The following BRWD1 variants were observed in gnomAD, a reference collection of about 807,000 sequenced individuals.
BRWD1 encodes the protein bromodomain and WD repeat domain containing 1.
BRWD1 carries 82 observed loss-of-function variants against 251.2 expected under a neutral mutation model. The ratio of observed to expected loss-of-function variants is 0.33; its 90% CI spans 0.27 to 0.39. The LOEUF is 0.39. Among genes scored for constraint, BRWD1 ranks in the 10% least tolerant of loss-of-function variants. The probability of loss-of-function intolerance (pLI) is 1.00; values close to 1 mark genes in which losing one functional copy is unlikely to be tolerated. For missense variants in BRWD1, 2,233 were observed against 2,711.6 expected (o/e 0.82, Z 3.92); for synonymous variants, 918 against 902.8 (o/e 1.02, Z -0.30).
intron 13 of BRWD1, 121 bp from the exon 14 acceptor site, chr21:39,270,554 A>G: frequency 3.7e-6 from 3 of 801,788 alleles, no homozygotes; most frequent in South Asian, 4.3e-5. Flanking sequence ...TCAACCCTAC[A>G]GTGAGTTCAT....
At chr21:39,205,254 T>C (rs1029903606) in intron 37 of BRWD1, among the ~76,000 whole-genome samples, 3 of 151,846 alleles carry the variant, frequency 2.0e-5, no homozygotes, top group Non-Finnish European at 4.4e-5. Flanking sequence ...TGGAAGGATC[T>C]TGATCCCAGG....
In BRWD1 at chr21:39,197,240, ACTCATGAG is replaced by A. The variant is rs2031870258; in HGVS notation, c.5821_5828del (p.Leu1941Ter). The A allele has an allele frequency of 6.2e-7, 1 of 1,613,808 alleles. No individual in the cohort carries two copies. Among genetic ancestry groups the A allele is most frequent in the South Asian group, 1.1e-5 (1 of 91,058 alleles). On this transcript the variant is annotated frameshift_variant, in exon 41 of 41. Transcript: ENST00000342449. LOFTEE classifies it low-confidence loss of function (END_TRUNC). The stretch of plus-strand genomic sequence containing the variant: ...TTTCTAAACTGACATCTTCTACATC[ACTCATGAG>A]CTTGATCTTATTGGCAGCCGTAGCT...
chr21:39,240,680 C>T (rs756597894), intron 21 of BRWD1, among the ~76,000 whole-genome samples: 1 of 152,126 alleles, frequency 6.6e-6, no homozygotes, highest in Non-Finnish European at 1.5e-5. Flanking sequence ...TACTACATAA[C>T]TCTTAAAACA....
intron 36 of BRWD1, among the ~76,000 whole-genome samples, chr21:39,208,344 C>T (rs781552737): frequency 2.0e-5 from 3 of 152,080 alleles, no homozygotes; most frequent in Non-Finnish European, 2.9e-5. Context: ...TAGCCTTGAA[C>T]GTTAAACTGA....
chr21:39,249,969 C>A (rs560035025), intron 20 of BRWD1, among the ~76,000 whole-genome samples: 1 of 150,122 alleles, frequency 6.7e-6, no homozygotes, highest in Admixed American at 6.6e-5. Flanking sequence ...TACACACACA[C>A]ATAGATATAT....
In BRWD1 at chr21:39,196,186, A is replaced by T; in HGVS notation, c.*73T>A. The T allele has an allele frequency of 6.7e-7, 1 of 1,487,068 alleles. No individual in the cohort carries two copies. The allele number at this position is 1,487,068 out of a possible 1,614,324, so 92.1% of individuals were successfully genotyped here. On this transcript the variant is annotated 3_prime_UTR_variant, in exon 41 of 41. Transcript: ENST00000342449. Reference sequence around the variant, plus strand: ...ATTCCCTGAATTGTAAGACAAAAAAATAATTTTAACAGCCAGCTTTCACCA... The same window carrying T: ...ATTCCCTGAATTGTAAGACAAAAAATTAATTTTAACAGCCAGCTTTCACCA...
chr21:39,248,641 C>CA (rs375430016), intron 20 of BRWD1, among the ~76,000 whole-genome samples: 6 of 83,298 alleles, frequency 7.2e-5, no homozygotes, highest in East Asian at 8.0e-4. Context: ...CCCTATCTCC[C>CA]AAAAAAAAAA....
Position 39,193,049 on chromosome 21 carries a change from C to T in BRWD1, c.*3210G>A. 2.0e-6 allele frequency: 2 copies of T among 985,136 alleles called. No individual in the cohort carries two copies. Among genetic ancestry groups the T allele is most frequent in the Non-Finnish European group, 2.4e-6 (2 of 829,738 alleles). The allele number at this position is 985,136 out of a possible 1,614,324, so 61.0% of individuals were successfully genotyped here. A position where few individuals can be genotyped will look rare whatever the true frequency, so the allele number is the denominator to read the frequency against. Reference sequence around the variant, plus strand: ...GCTTAGTGATGCATCTTATTCTTTACTTTTGGACAGTAACACCCTCAGATG... The same window carrying T: ...GCTTAGTGATGCATCTTATTCTTTATTTTTGGACAGTAACACCCTCAGATG... On this transcript the variant is annotated 3_prime_UTR_variant, in exon 41 of 41. Coordinates refer to ENST00000342449, the MANE Select transcript of BRWD1 (RefSeq NM_033656.4).
At chr21:39,259,578 G>A (rs774888381) in intron 17 of BRWD1, among the ~76,000 whole-genome samples, 10 of 152,092 alleles carry the variant, frequency 6.6e-5, no homozygotes, top group Non-Finnish European at 1.2e-4. Context: ...GATTACAGCC[G>A]GGGCGTGGTG....
intron 32 of BRWD1, 58 bp downstream of exon 32, chr21:39,215,179 T>A: frequency 6.4e-7 from 1 of 1,568,410 alleles, no homozygotes; most frequent in South Asian, 1.1e-5. Context: ...CAAAACTAGA[T>A]GATTGTTAAT....
chr21:39,205,076 G>A (rs2032323093), intron 37 of BRWD1, among the ~76,000 whole-genome samples: 1 of 152,076 alleles, frequency 6.6e-6, no homozygotes, highest in Non-Finnish European at 1.5e-5. Flanking sequence ...CAATACAACA[G>A]CTCTATATTC....
In BRWD1 at chr21:39,190,073, T is replaced by C. The variant is rs1002164717; in HGVS notation, c.*6186A>G. ...CATCTGTAGTAGCACTCCATGATCA[T>C]TTCCCTGGATGACCACTTTAAATTA... On this transcript the variant is annotated 3_prime_UTR_variant, in exon 41 of 41. Transcript: ENST00000342449. 3.0e-6 allele frequency: 3 copies of C among 985,280 alleles called. No individual in the cohort carries two copies. The highest frequency in any genetic ancestry group is 6.2e-5 in the Admixed American group (1 of 16,254). The allele number at this position is 985,280 out of a possible 1,614,324, so 61.0% of individuals were successfully genotyped here.
chr21:39,226,311 A>G (rs1053507698), intron 27 of BRWD1, among the ~76,000 whole-genome samples: 4 of 152,226 alleles, frequency 2.6e-5, no homozygotes, highest in African/African-American at 9.6e-5. Flanking sequence ...TGTAAAAATG[A>G]AAACAAGCAA....
intron 8 of BRWD1, among the ~76,000 whole-genome samples, chr21:39,286,066 G>C (rs1300661254): frequency 8.0e-6 from 1 of 125,018 alleles, no homozygotes; most frequent in Non-Finnish European, 1.6e-5. Flanking sequence ...CCAGGCTAGA[G>C]TGCAGTGGTG....
intron 4 of BRWD1, among the ~76,000 whole-genome samples, chr21:39,312,305 T>C (rs2036512942): frequency 6.6e-6 from 1 of 152,268 alleles, no homozygotes; most frequent in Admixed American, 6.5e-5. Context: ...GCACAAGCAC[T>C]ACAGTGGCAT....
intron 17 of BRWD1, among the ~76,000 whole-genome samples, chr21:39,263,311 C>A (rs1196130667): frequency 6.6e-6 from 1 of 152,098 alleles, no homozygotes; most frequent in East Asian, 1.9e-4. Context: ...TTTTCTTTAA[C>A]ATCTGTAGAG....
rs758860844 is a variant in BRWD1, at chr21:39,187,468, A to G, written c.*8791T>C. On this transcript the variant is annotated 3_prime_UTR_variant, in exon 41 of 41. Transcript: ENST00000342449. ...AAATGCAAAAATCTTGTAACACAAG[A>G]TTTTACTACTGCTAACATTCCTCAA... The G allele has an allele frequency of 3.3e-6, 5 of 1,509,308 alleles. No individual in the cohort carries two copies. The highest frequency in any genetic ancestry group is 1.8e-6 in the Non-Finnish European group (2 of 1,133,174). 93.5% of individuals were successfully genotyped at this position (1,509,308 alleles called of 1,614,324 possible). A position where few individuals can be genotyped will look rare whatever the true frequency, so the allele number is the denominator to read the frequency against.
intron 8 of BRWD1, among the ~76,000 whole-genome samples, chr21:39,284,858 T>C (rs1487883055): frequency 2.6e-5 from 4 of 152,236 alleles, no homozygotes; most frequent in Admixed American, 2.0e-4. Flanking sequence ...CTTTCTCCTA[T>C]TCTTCAGGTT....
Position 39,186,817 on chromosome 21 carries a change from G to T in BRWD1, c.*9442C>A. ...TTTTCTTTCCACCTCTCCACCTACA[G>T]ACTCTGCAATTTATTTCCTCCTCAG... On this transcript the variant is annotated 3_prime_UTR_variant, in exon 41 of 41. Transcript: ENST00000342449. 1.4e-6 allele frequency: 1 copy of T among 727,858 alleles called. No homozygotes were observed. Among genetic ancestry groups the T allele is most frequent in the Non-Finnish European group, 2.0e-6 (1 of 506,598 alleles). The allele number at this position is 727,858 out of a possible 1,614,324, so 45.1% of individuals were successfully genotyped here.
Sources: allele counts gnomAD v4.1 joint callset (sites outside exome capture counted in the v4.1 genomes callset), GRCh38; gene constraint gnomAD v4.1.1; transcripts MANE v1.5; gene names NCBI Gene and HGNC (gene_info 2026-07-23, HGNC 2026-07-21).